Variants in ETV6 observed in about 807,000 individuals in gnomAD.
ETV6 encodes the protein ETS variant transcription factor 6.
In ETV6, 16 loss-of-function variants were observed where a neutral mutation model predicts 51.1. The ratio of observed to expected loss-of-function variants is 0.31; its 90% confidence interval spans 0.21 to 0.48. The LOEUF (loss-of-function observed/expected upper bound fraction) is 0.48. Among genes scored for constraint, ETV6 ranks in the 20% least tolerant of loss-of-function variants. The probability of loss-of-function intolerance (pLI) is 0.99; values close to 1 mark genes in which losing one functional copy is unlikely to be tolerated. For missense variants in ETV6, 458 were observed against 594.8 expected (o/e 0.77, Z 2.39); for synonymous variants, 240 against 224.1 (o/e 1.07, Z -0.64).
At position 11,723,190 on chromosome 12, in the gene ETV6, A is replaced by T. The variant is rs148904356; in HGVS notation, c.34-29260A>T. 2.1e-3 allele frequency among the ~76,000 whole-genome samples: 321 copies of T among 152,322 alleles called. 12 individuals are homozygous for T. In the East Asian group the frequency reaches 0.046, roughly 22 times the overall value. On this transcript the variant is annotated intron_variant, in intron 1 of 7. Coordinates refer to ENST00000396373, the MANE Select transcript of ETV6 (RefSeq NM_001987.5). ...AGGATTGTGAGTATTAAATGAATTA[A>T]TATGTGATAAGCCCTTAGAACATTC...
chr12:11,834,078 A>G (rs1332311150), intron 2 of ETV6, among the ~76,000 whole-genome samples: 2 of 152,234 alleles, frequency 1.3e-5, no homozygotes, highest in East Asian at 3.8e-4. Context: ...GGAGGCAGGC[A>G]GGTTGGTAAG....
chr12:11,861,292 C>G (rs1048345100), intron 4 of ETV6, among the ~76,000 whole-genome samples: 13 of 152,120 alleles, frequency 8.5e-5, no homozygotes, highest in African/African-American at 2.9e-4. Flanking sequence ...TTTCCCCTGA[C>G]CCAGCCTCAT....
Position 11,714,178 on chromosome 12 carries a change from GT to G in ETV6, c.34-38270del, listed in dbSNP as rs563883537. The stretch of plus-strand genomic sequence containing the variant: ...CTAAATATTTATCAAATGAATTAAC[GT>G]TGGAGATGAGAGGAAGGAGGAGGTA... On this transcript the variant is annotated intron_variant, in intron 1 of 7. Coordinates refer to ENST00000396373, the MANE Select transcript of ETV6 (RefSeq NM_001987.5). Among the ~76,000 whole-genome samples the G allele has an allele frequency of 2.4e-3, 361 of 152,256 alleles. 1 individual carries two copies. The highest frequency in any genetic ancestry group is 4.1e-3 in the Non-Finnish European group (279 of 68,008).
intron 1 of ETV6, among the ~76,000 whole-genome samples, chr12:11,651,790 C>A (rs1471685030): frequency 6.6e-6 from 1 of 152,118 alleles, no homozygotes; most frequent in East Asian, 1.9e-4. Flanking sequence ...TGGCAATAAA[C>A]CCGACATCAG....
At chr12:11,824,083 A>G (rs1946120097) in intron 2 of ETV6, among the ~76,000 whole-genome samples, 1 of 152,234 alleles carries the variant, frequency 6.6e-6, no homozygotes, top group African/African-American at 2.4e-5. Context: ...TGAGACACCA[A>G]AGGGGCTCTG....
intron 4 of ETV6, among the ~76,000 whole-genome samples, chr12:11,855,139 C>CA (rs34202702): frequency 0.49 from 67,294 of 137,720 alleles, 17,004 homozygotes; most frequent in East Asian, 0.8. Flanking sequence ...ACTAAAAATA[C>CA]AAAAAAAAAA....
chr12:11,845,086 C>T (rs1946442281), intron 3 of ETV6, among the ~76,000 whole-genome samples: 1 of 152,198 alleles, frequency 6.6e-6, no homozygotes, highest in Non-Finnish European at 1.5e-5. Context: ...ACTTTGGCCT[C>T]CCAAAGTGCT....
At chr12:11,805,099 G>A (rs1945810575) in intron 2 of ETV6, among the ~76,000 whole-genome samples, 1 of 152,178 alleles carries the variant, frequency 6.6e-6, no homozygotes, top group South Asian at 2.1e-4. Flanking sequence ...GCTGGGCTGG[G>A]GGAGGGTGGA....
At chr12:11,884,253 A>G (rs534336158) in intron 5 of ETV6, among the ~76,000 whole-genome samples, 192 bp from the exon 6 acceptor site, 1 of 152,308 alleles carries the variant, frequency 6.6e-6, no homozygotes, top group South Asian at 2.1e-4. Context: ...CGGTGGGTCA[A>G]AGGTCACACA....
intron 1 of ETV6, among the ~76,000 whole-genome samples, chr12:11,730,048 T>G (rs1041262080): frequency 1.3e-5 from 2 of 152,180 alleles, no homozygotes; most frequent in African/African-American, 4.8e-5. Context: ...AAATTATTGA[T>G]GCAACCAGAG....
intron 5 of ETV6, among the ~76,000 whole-genome samples, chr12:11,878,828 G>A (rs2723818): frequency 0.91 from 127,414 of 139,692 alleles, 58,624 homozygotes; most frequent in East Asian, 1. Flanking sequence ...AGGAGGAGGG[G>A]AAAAAAAAAA....
intron 1 of ETV6, among the ~76,000 whole-genome samples, chr12:11,707,119 G>A (rs902216345): frequency 2.6e-5 from 4 of 152,146 alleles, no homozygotes; most frequent in African/African-American, 9.7e-5. Flanking sequence ...CAAACCTCAG[G>A]GAACTCAGAA....
At chr12:11,685,915 A>G (rs1358982788) in intron 1 of ETV6, among the ~76,000 whole-genome samples, 2 of 152,238 alleles carry the variant, frequency 1.3e-5, no homozygotes, top group Non-Finnish European at 2.9e-5. Flanking sequence ...CAGTCAGACT[A>G]AACATTCGAA....
rs984005622 is a variant in ETV6, at chr12:11,891,264, G to T, written c.*218G>T. On this transcript the variant is annotated 3_prime_UTR_variant, in exon 8 of 8. Coordinates refer to ENST00000396373, the MANE Select transcript of ETV6 (RefSeq NM_001987.5). ...GCTGGAATTCTGGCGGAGGGCATGA[G>T]CCTGGGACTCCATGTCACGTTTCCT... 7 of 488,354 alleles carry T rather than the reference G, an allele frequency of 1.4e-5. No individual in the cohort carries two copies. The highest frequency in any genetic ancestry group is 2.6e-5 in the Non-Finnish European group (7 of 273,142). 30.3% of individuals were successfully genotyped at this position (488,354 alleles called of 1,614,324 possible).
intron 2 of ETV6, among the ~76,000 whole-genome samples, chr12:11,773,800 C>T (rs756984196): frequency 7.2e-5 from 11 of 152,198 alleles, no homozygotes; most frequent in Non-Finnish European, 1.5e-4. Context: ...TCTGGGAAGG[C>T]GGTCCTCTGA....
intron 1 of ETV6, among the ~76,000 whole-genome samples, chr12:11,696,475 A>C (rs1313848563): frequency 6.6e-6 from 1 of 152,192 alleles, no homozygotes; most frequent in Admixed American, 6.5e-5. Context: ...TAAGGGAGTT[A>C]ATCCATCTAA....
At chr12:11,882,519 T>C (rs1233039668) in intron 5 of ETV6, among the ~76,000 whole-genome samples, 2 of 152,152 alleles carry the variant, frequency 1.3e-5, no homozygotes, top group African/African-American at 4.8e-5. Flanking sequence ...AAAATAGGAA[T>C]AGCAACAGCA....
rs1013167024 is a variant in ETV6 at position 11,891,105 on chromosome 12, T to C, written c.*59T>C. The C allele has an allele frequency of 2.2e-6, 3 of 1,372,138 alleles. No individual in the cohort carries two copies. Among genetic ancestry groups the C allele is most frequent in the Non-Finnish European group, 3.1e-6 (3 of 966,818 alleles). 85.0% of individuals were successfully genotyped at this position (1,372,138 alleles called of 1,614,324 possible). ...CCCAGGGAACCCCTGCCCACCAGGA[T>C]TGCTGGAAGTGTGACGGAGCAGGCG... is the stretch of plus-strand genomic sequence containing the variant. On this transcript the variant is annotated 3_prime_UTR_variant, in exon 8 of 8. Coordinates refer to ENST00000396373, the MANE Select transcript of ETV6 (RefSeq NM_001987.5).
intron 2 of ETV6, among the ~76,000 whole-genome samples, chr12:11,778,765 A>T (rs375127142): frequency 5.3e-4 from 81 of 152,276 alleles, no homozygotes; most frequent in African/African-American, 1.5e-3. Flanking sequence ...CTTGTATTGC[A>T]TGGTTTATAT....
Sources: gnomAD v4.1 joint callset for allele counts (sites outside exome capture counted in the v4.1 genomes callset) on GRCh38, gnomAD v4.1.1 for gene constraint, MANE v1.5 for transcripts, NCBI Gene and HGNC (gene_info 2026-07-23, HGNC 2026-07-21) for gene names.